Variants in COPS3 observed in about 807,000 individuals in gnomAD.
COPS3 encodes COP9 signalosome complex subunit 3.
COPS3 carries 10 observed loss-of-function variants against 58.2 expected under a neutral mutation model. The ratio of observed to expected loss-of-function variants is 0.17; its 90% confidence interval spans 0.11 to 0.29. The LOEUF is 0.29. Ranked by LOEUF, COPS3 falls within the 10% of genes least tolerant of loss-of-function variation. The pLI is 1.00. For missense variants in COPS3, 333 were observed against 510.1 expected (o/e 0.65, Z 3.34); for synonymous variants, 187 against 181.7 (o/e 1.03, Z -0.24).
intron 2 of COPS3, among the ~76,000 whole-genome samples, chr17:17,271,691 G>A (rs2048345519): frequency 6.7e-6 from 1 of 150,328 alleles, no homozygotes; most frequent in South Asian, 2.1e-4. Flanking sequence ...GCGTGGTGGT[G>A]CATGCATGCC....
At chr17:17,264,058 A>G (rs1372393765) in intron 6 of COPS3, among the ~76,000 whole-genome samples, 1 of 152,194 alleles carries the variant, frequency 6.6e-6, no homozygotes. Flanking sequence ...GGTCCCCTCA[A>G]CAGGACACAT....
Position 17,255,442 on chromosome 17 carries a change from C to T in COPS3, c.937-497G>A, listed in dbSNP as rs147547860. Among the ~76,000 whole-genome samples, 863 of 147,272 alleles carry T rather than the reference C, an allele frequency of 5.9e-3. 10 individuals carry two copies. Among genetic ancestry groups the T allele is most frequent in the African/African-American group, 0.021 (819 of 39,646 alleles). ...TGGAGGTTGCAGTGAGCTGAGACTG[C>T]GCCACTGCTCTCCAGCCTGGACGAC... On this transcript the variant is annotated intron_variant, in intron 8 of 11. Transcript: ENST00000268717.
chr17:17,276,079 C>G lies in COPS3; in HGVS notation c.141G>C (p.Gly47=). Residue 47 remains glycine, a synonymous_variant, in exon 2 of 12, where the codon GGG becomes GGC. Coordinates refer to ENST00000268717, the MANE Select transcript of COPS3 (RefSeq NM_003653.4). ...KNLSHLDTVL[G]ALDVQEHSLG... is the part of the protein sequence containing the mutation. ...AGGAGTGTTCTTGTACATCCAGAGCCCCGAGCACAGTGTCCAGATGGGATA... is the reference window on the plus strand; with the variant it reads ...AGGAGTGTTCTTGTACATCCAGAGCGCCGAGCACAGTGTCCAGATGGGATA... The G allele has an allele frequency of 6.2e-7, 1 of 1,614,098 alleles. No individual in the cohort carries two copies. Among genetic ancestry groups the G allele is most frequent in the South Asian group, 1.1e-5 (1 of 91,082 alleles).
At chr17:17,275,816 C>T (rs915924506) in intron 2 of COPS3, among the ~76,000 whole-genome samples, 1 of 152,066 alleles carries the variant, frequency 6.6e-6, no homozygotes, top group Non-Finnish European at 1.5e-5. Flanking sequence ...GTGGCGAGTG[C>T]CTGTAGTCCC....
At chr17:17,255,029 T>C (rs117692484) in intron 8 of COPS3, 84 bp from the exon 9 acceptor site, 2 of 892,374 alleles carry the variant, frequency 2.2e-6, no homozygotes, top group Admixed American at 2.0e-5. Context: ...CGGCCAGGCG[T>C]GGTGGCTCAT....
At chr17:17,269,469 G>A (rs1206698165) in intron 4 of COPS3, among the ~76,000 whole-genome samples, 2 of 151,926 alleles carry the variant, frequency 1.3e-5, no homozygotes, top group Non-Finnish European at 2.9e-5. Context: ...GGTGACATGC[G>A]CCTGTAGTCC....
At chr17:17,277,890 T>C (rs778929129) in intron 1 of COPS3, among the ~76,000 whole-genome samples, 2 of 151,620 alleles carry the variant, frequency 1.3e-5, no homozygotes, top group African/African-American at 2.4e-5. Flanking sequence ...TCCCAGCACT[T>C]TGGGAGGATA....
At chr17:17,257,173 G>T (rs1016879440) in intron 8 of COPS3, among the ~76,000 whole-genome samples, 5 of 151,890 alleles carry the variant, frequency 3.3e-5, no homozygotes, top group African/African-American at 1.2e-4. Context: ...AGACCAGCCT[G>T]GCCAACATGG....
At chr17:17,265,078 T>C in intron 5 of COPS3, 97 bp from the exon 6 acceptor site, 1 of 1,076,572 alleles carries the variant, frequency 9.3e-7, no homozygotes, top group Non-Finnish European at 1.4e-6. Context: ...TTCCAAATAA[T>C]GTAATTGTGT....
Position 17,265,824 on chromosome 17 carries a change from GAA to G in COPS3, c.442-845_442-844del, listed in dbSNP as rs774667708. 2.6e-4 allele frequency among the ~76,000 whole-genome samples: 39 copies of G among 152,288 alleles called. 1 individual carries two copies. The highest frequency in any genetic ancestry group is 4.0e-4 in the Non-Finnish European group (27 of 68,022). On this transcript the variant is annotated intron_variant, in intron 5 of 11. Transcript: ENST00000268717. ...CTATCCCTACCCATCTGATTAGAGGGAAAAAGAGTGTGTCCTCTTTCTTTACT... is the reference window on the plus strand; with the variant it reads ...CTATCCCTACCCATCTGATTAGAGGGAAAGAGTGTGTCCTCTTTCTTTACT...
At chr17:17,258,937 C>T (rs796340110) in intron 8 of COPS3, among the ~76,000 whole-genome samples, 5 of 152,196 alleles carry the variant, frequency 3.3e-5, no homozygotes, top group African/African-American at 1.2e-4. Flanking sequence ...TGGAAGGATT[C>T]TTTTTCTTGC....
chr17:17,250,758 A>T (rs917108154), intron 9 of COPS3, among the ~76,000 whole-genome samples: 1 of 152,248 alleles, frequency 6.6e-6, no homozygotes, highest in Non-Finnish European at 1.5e-5. Context: ...ATTTGTTAGC[A>T]GTGAAACTGC....
In COPS3 at chr17:17,248,919, T is replaced by G; in HGVS notation, c.1137+7A>C. On this transcript the variant is annotated splice_region_variant and intron_variant, in intron 10 of 11. Transcript: ENST00000268717. ...TAAAAAAATAAAAACCTGGCATTCA[T>G]GTTTACCTCCTGATCAATGTTATGA... 6.6e-7 allele frequency: 1 copy of G among 1,511,412 alleles called. No homozygotes were observed. The highest frequency in any genetic ancestry group is 9.0e-7 in the Non-Finnish European group (1 of 1,110,818). 93.6% of individuals were successfully genotyped at this position (1,511,412 alleles called of 1,614,324 possible).
At position 17,271,857 on chromosome 17, in the gene COPS3, TACAC is replaced by T. The variant is rs1555620694; in HGVS notation, c.186-853_186-850del. ...ATATATATCTATATATATATATATA[TACAC>T]ACATACACACACATATGTTTAATAA... On this transcript the variant is annotated intron_variant, in intron 2 of 11. Transcript: ENST00000268717. Among the ~76,000 whole-genome samples, 11 of 135,250 alleles carry T rather than the reference TACAC, an allele frequency of 8.1e-5. No individual in the cohort carries two copies. The East Asian group carries it at 2.6e-3, about 31-fold the overall frequency. The allele number at this position is 135,250 out of a possible 152,430, so 88.7% of individuals were successfully genotyped here. A position where few individuals can be genotyped will look rare whatever the true frequency, so the allele number is the denominator to read the frequency against.
intron 8 of COPS3, among the ~76,000 whole-genome samples, chr17:17,257,746 G>A (rs2048008130): frequency 6.9e-6 from 1 of 145,166 alleles, no homozygotes; most frequent in Non-Finnish European, 1.5e-5. Context: ...GCAGTGAGCC[G>A]AGATCGAGCC....
chr17:17,272,416 C>T (rs780823725), intron 2 of COPS3, among the ~76,000 whole-genome samples: 8 of 150,454 alleles, frequency 5.3e-5, no homozygotes, highest in Non-Finnish European at 8.9e-5. Context: ...GAGTGAGACT[C>T]GTCTCAAAAA....
intron 7 of COPS3, among the ~76,000 whole-genome samples, chr17:17,261,440 C>A (rs1054696023): frequency 6.6e-6 from 1 of 151,990 alleles, no homozygotes; most frequent in African/African-American, 2.4e-5. Context: ...GCAGGAGAAT[C>A]GCTTGAACCC....
chr17:17,252,482 G>A (rs1371181262), intron 9 of COPS3, among the ~76,000 whole-genome samples: 2 of 130,980 alleles, frequency 1.5e-5, no homozygotes, highest in African/African-American at 2.9e-5. Context: ...ACTGCAGGAC[G>A]TTTAGCAGCA....
intron 10 of COPS3, chr17:17,247,966 A>C: frequency 6.4e-6 from 1 of 155,478 alleles, no homozygotes; most frequent in Non-Finnish European, 1.4e-5. Context: ...CACCCACAAA[A>C]CTCCCCCTTC....
Sources: allele counts gnomAD v4.1 joint callset (sites outside exome capture counted in the v4.1 genomes callset), GRCh38; gene constraint gnomAD v4.1.1; transcripts MANE v1.5; gene names NCBI Gene and HGNC (gene_info 2026-07-23, HGNC 2026-07-21).